Variants in RNPS1 observed in about 807,000 individuals in gnomAD.
The protein encoded by RNPS1 is RNA-binding protein with serine-rich domain 1.
For synonymous variants in RNPS1, 147 were observed against 150.0 expected, an observed-to-expected ratio of 0.98 and a Z score of 0.15; for missense variants, 300 against 427.6, an observed-to-expected ratio of 0.70 and a Z score of 2.63.
intron 6 of RNPS1, among the ~76,000 whole-genome samples, chr16:2,261,003 G>A (rs2093601027): frequency 6.6e-6 from 1 of 152,026 alleles, no homozygotes; most frequent in African/African-American, 2.4e-5. Context: ...GGTGGTGGGC[G>A]CCTGTAGTCC....
At chr16:2,261,350 G>A (rs1279804258) in intron 6 of RNPS1, among the ~76,000 whole-genome samples, 1 of 152,046 alleles carries the variant, frequency 6.6e-6, no homozygotes, top group Non-Finnish European at 1.5e-5. Context: ...GTGCTGCCTC[G>A]AAGCCCCCAG....
chr16:2,262,209 A>T, intron 6 of RNPS1, 69 bp downstream of exon 6: 1 of 1,472,170 alleles, frequency 6.8e-7, no homozygotes, highest in South Asian at 1.2e-5. Context: ...CCCAGTTGGA[A>T]ATCAGTTTGA....
chr16:2,260,054 AGTATACGCCTAGG>A lies in RNPS1; in HGVS notation c.676+2211_676+2223del, dbSNP rs201067959. Among the ~76,000 whole-genome samples the A allele has an allele frequency of 2.6e-5, 4 of 152,040 alleles. No individual in the cohort carries two copies. The East Asian group carries it at 7.7e-4, about 29-fold the overall frequency. ...AAAAGTTTTAAGCTATCAACAATTA[AGTATACGCCTAGG>A]AACAAAACTTGGAGCATATTTGTTT... is the stretch of plus-strand genomic sequence containing the variant. On this transcript the variant is annotated intron_variant, in intron 6 of 7. Coordinates refer to ENST00000320225, the MANE Select transcript of RNPS1 (RefSeq NM_080594.4).
chr16:2,263,060 C>G lies in RNPS1; in HGVS notation c.419+36G>C, dbSNP rs778112574. On this transcript the variant is annotated intron_variant, in intron 4 of 7. Transcript: ENST00000320225. ...TCGATGGTAAATCTGTAGCCCCGAG[C>G]TTGTAAACTTTAGCTCCCAGGCGCA... The G allele has an allele frequency of 7.5e-6, 12 of 1,600,528 alleles. No individual in the cohort carries two copies. In the South Asian group the frequency reaches 1.0e-4, roughly 13 times the overall value.
chr16:2,253,483 G>A lies in RNPS1; in HGVS notation c.*481C>T, dbSNP rs1412057818. The stretch of plus-strand genomic sequence containing the variant: ...TGGGTGAGAGGATCTTTGAGGGGGT[G>A]TGACCCTTGAGGTCAGAAGAGGCCT... On this transcript the variant is annotated 3_prime_UTR_variant, in exon 8 of 8. Transcript: ENST00000320225. The A allele has an allele frequency of 3.0e-5, 7 of 234,912 alleles. No homozygotes were observed. The highest frequency in any genetic ancestry group is 5.9e-5 in the Non-Finnish European group (7 of 118,158). 14.6% of individuals were successfully genotyped at this position (234,912 alleles called of 1,614,324 possible).
chr16:2,265,962 A>G (rs1010189138), intron 1 of RNPS1: 7 of 283,850 alleles, frequency 2.5e-5, no homozygotes, highest in African/African-American at 1.4e-4. Context: ...TAACGGTAAC[A>G]AATTACTCAA....
chr16:2,259,998 A>G (rs894141890), intron 6 of RNPS1, among the ~76,000 whole-genome samples: 1 of 152,238 alleles, frequency 6.6e-6, no homozygotes, highest in Non-Finnish European at 1.5e-5. Flanking sequence ...TGCTTAAAAT[A>G]TTCCTAATCC....
At chr16:2,260,472 C>T (rs957203870) in intron 6 of RNPS1, among the ~76,000 whole-genome samples, 10 of 152,062 alleles carry the variant, frequency 6.6e-5, no homozygotes, top group Non-Finnish European at 1.0e-4. Flanking sequence ...AATAAAAATC[C>T]GTTTTCTTTT....
chr16:2,262,970 AC>A (rs368061051), intron 4 of RNPS1, 125 bp downstream of exon 4: 2 of 1,306,734 alleles, frequency 1.5e-6, no homozygotes. Context: ...TAGTTCACAT[AC>A]ATTATTCCTG....
intron 2 of RNPS1, 34 bp downstream of exon 2, chr16:2,264,539 A>G: frequency 1.9e-6 from 3 of 1,604,068 alleles, no homozygotes; most frequent in Non-Finnish European, 1.7e-6. Flanking sequence ...AAGCACCCCC[A>G]AGTAGCACTA....
At chr16:2,260,969 A>G (rs532046663) in intron 6 of RNPS1, among the ~76,000 whole-genome samples, 1 of 152,088 alleles carries the variant, frequency 6.6e-6, no homozygotes, top group Non-Finnish European at 1.5e-5. Context: ...TCTCTACTAA[A>G]AATACAAAAA....
At chr16:2,264,071 G>A (rs778472341) in intron 3 of RNPS1, 105 bp downstream of exon 3, 20 of 1,351,240 alleles carry the variant, frequency 1.5e-5, no homozygotes, top group Non-Finnish European at 1.8e-5. Flanking sequence ...ACAATCAGAG[G>A]ATGTGTTTTC....
chr16:2,260,267 T>C (rs191757855), intron 6 of RNPS1, among the ~76,000 whole-genome samples: 50 of 149,120 alleles, frequency 3.4e-4, no homozygotes, highest in African/African-American at 1.2e-3. Context: ...GCAATTCTCC[T>C]GCCTCAGCCT....
intron 1 of RNPS1, chr16:2,267,617 C>T (rs2093630269): frequency 4.6e-6 from 5 of 1,077,952 alleles, no homozygotes; most frequent in Non-Finnish European, 5.6e-6. Context: ...CCGCCGACAC[C>T]GGCCCGACAC....
intron 4 of RNPS1, 42 bp from the exon 5 acceptor site, chr16:2,262,884 T>C: frequency 6.4e-7 from 1 of 1,563,894 alleles, no homozygotes; most frequent in Non-Finnish European, 8.8e-7. Context: ...TTCTGTCAAG[T>C]CAAAATGTAC....
intron 6 of RNPS1, chr16:2,258,062 C>A (rs1462941795): frequency 6.6e-6 from 1 of 152,208 alleles, no homozygotes; most frequent in East Asian, 1.9e-4. Context: ...GCTTTTAAAA[C>A]CATTCTGCCA....
At position 2,262,357 on chromosome 16, in the gene RNPS1, G is replaced by A. The variant is rs1316207844; in HGVS notation, c.597C>T (p.Pro199=). The change falls in exon 6 of 8, where the codon CCC becomes CCT. Residue 199 remains proline (P), a synonymous_variant. Coordinates refer to ENST00000320225, the MANE Select transcript of RNPS1 (RefSeq NM_080594.4). ...CGTACGCATAGCCTTTGGACAGATG[G>A]GGATGCATCCTTTCCACGGGCATGT... ...MIDMPVERMH[P]HLSKGYAYVE... is the part of the protein sequence containing the mutation. 2 of 1,614,018 alleles carry A rather than the reference G, an allele frequency of 1.2e-6. No individual in the cohort carries two copies. Among genetic ancestry groups the A allele is most frequent in the Admixed American group, 3.3e-5 (2 of 60,016 alleles).
At chr16:2,254,849 C>G (rs958391837) in intron 7 of RNPS1, among the ~76,000 whole-genome samples, 1 of 149,688 alleles carries the variant, frequency 6.7e-6, no homozygotes, top group African/African-American at 2.5e-5. Context: ...TCACGCCATT[C>G]TCCTGCCTCA....
At chr16:2,261,127 C>A (rs1268726367) in intron 6 of RNPS1, among the ~76,000 whole-genome samples, 3 of 149,316 alleles carry the variant, frequency 2.0e-5, no homozygotes, top group Non-Finnish European at 4.4e-5. Flanking sequence ...CAGACTCCGT[C>A]TCAAAAAAAA....
Sources: allele counts gnomAD v4.1 joint callset (sites outside exome capture counted in the v4.1 genomes callset), GRCh38; gene constraint gnomAD v4.1.1; transcripts MANE v1.5; gene names NCBI Gene and HGNC (gene_info 2026-07-23, HGNC 2026-07-21).